The following TMTC1 variants were observed in gnomAD, a reference collection of about 807,000 sequenced individuals.
TMTC1 encodes protein O-mannosyl-transferase TMTC1.
TMTC1 carries 73 observed loss-of-function variants against 104.8 expected under a neutral mutation model. The observed-to-expected ratio is 0.70, with a 90% CI of 0.58 to 0.85. The LOEUF (loss-of-function observed/expected upper bound fraction) is 0.85. Ranked by LOEUF, TMTC1 falls within the 40% of genes least tolerant of loss-of-function variation. TMTC1 has a pLI of 0.00. For synonymous variants in TMTC1, 434 were observed against 428.7 expected (o/e 1.01, Z -0.15); for missense variants, 1,035 against 1,096.1 (o/e 0.94, Z 0.79).
intron 5 of TMTC1, among the ~76,000 whole-genome samples, chr12:29,682,874 T>C (rs1284116577): frequency 1.3e-5 from 2 of 152,180 alleles, no homozygotes; most frequent in African/African-American, 2.4e-5. Context: ...TAAAATGGCA[T>C]AGAACTATAC....
chr12:29,694,031 T>C (rs1169861782), intron 5 of TMTC1, among the ~76,000 whole-genome samples: 2 of 152,210 alleles, frequency 1.3e-5, no homozygotes, highest in Non-Finnish European at 2.9e-5. Context: ...CATAAATGCT[T>C]TCAATTGATA....
intron 9 of TMTC1, among the ~76,000 whole-genome samples, chr12:29,566,442 G>T (rs1165178170): frequency 6.6e-6 from 1 of 152,164 alleles, no homozygotes; most frequent in Non-Finnish European, 1.5e-5. Context: ...CTGAGCTCCA[G>T]ATTGCTGTGA....
At chr12:29,700,368 G>T (rs1057223318) in intron 5 of TMTC1, among the ~76,000 whole-genome samples, 1 of 151,842 alleles carries the variant, frequency 6.6e-6, no homozygotes, top group Non-Finnish European at 1.5e-5. Context: ...GAGTAGCTGG[G>T]CTCTTTTAAT....
intron 5 of TMTC1, among the ~76,000 whole-genome samples, chr12:29,690,709 T>C (rs1213942210): frequency 2.0e-5 from 3 of 152,248 alleles, no homozygotes; most frequent in Admixed American, 2.0e-4. Context: ...GTGTTTTCCC[T>C]ATTCTTTGTG....
chr12:29,753,367 C>A (rs971268021), intron 4 of TMTC1, among the ~76,000 whole-genome samples: 1 of 152,150 alleles, frequency 6.6e-6, no homozygotes, highest in African/African-American at 2.4e-5. Context: ...AGACGTCCTG[C>A]GAGGTCTCCT....
rs141344632 is a variant in TMTC1, at chr12:29,601,235, G to A, written c.1250+2943C>T. On this transcript the variant is annotated intron_variant, in intron 7 of 17. Transcript: ENST00000539277. ...TGGGGGTTGGAGGATATACCTGCCC[G>A]GGCAAGATGAACCTCTTACAATAAG... Among the ~76,000 whole-genome samples the A allele has an allele frequency of 8.5e-3, 1,293 of 152,242 alleles. 26 individuals are homozygous for A. Among genetic ancestry groups the A allele is most frequent in the African/African-American group, 0.029 (1,222 of 41,538 alleles).
intron 6 of TMTC1, among the ~76,000 whole-genome samples, chr12:29,612,154 A>G (rs1192942152): frequency 6.6e-6 from 1 of 152,090 alleles, no homozygotes; most frequent in African/African-American, 2.4e-5. Flanking sequence ...AGCCTTCTCT[A>G]CCATCTGACT....
chr12:29,512,018 A>G (rs1253232811), intron 17 of TMTC1, 25 bp downstream of exon 17: 1 of 1,606,936 alleles, frequency 6.2e-7, no homozygotes, highest in Admixed American at 1.7e-5. Flanking sequence ...AGCCCGGTCC[A>G]CATGGGAGTG....
At chr12:29,548,397 T>C (rs1303956546) in intron 10 of TMTC1, among the ~76,000 whole-genome samples, 1 of 152,180 alleles carries the variant, frequency 6.6e-6, no homozygotes, top group African/African-American at 2.4e-5. Flanking sequence ...AATCTCATCT[T>C]GAATTGCAGC....
chr12:29,699,649 CTTTTTT>C (rs71444337), intron 5 of TMTC1, among the ~76,000 whole-genome samples: 2 of 86,838 alleles, frequency 2.3e-5, no homozygotes, highest in African/African-American at 4.7e-5. Flanking sequence ...TCATCTGGTG[CTTTTTT>C]TTTTTTTTTT....
At chr12:29,621,423 A>T (rs1458468765) in intron 6 of TMTC1, among the ~76,000 whole-genome samples, 2 of 152,246 alleles carry the variant, frequency 1.3e-5, no homozygotes, top group Admixed American at 6.5e-5. Context: ...GGAATGAAAA[A>T]TGTATGTGAC....
chr12:29,689,632 A>G (rs940981169), intron 5 of TMTC1, among the ~76,000 whole-genome samples: 16 of 152,218 alleles, frequency 1.1e-4, no homozygotes, highest in African/African-American at 3.6e-4. Flanking sequence ...GAGAAGGCGG[A>G]GGCACAAAGA....
intron 5 of TMTC1, among the ~76,000 whole-genome samples, chr12:29,711,110 G>A (rs1941914104): frequency 6.6e-6 from 1 of 151,242 alleles, no homozygotes; most frequent in Non-Finnish European, 1.5e-5. Context: ...GACCTCCCAA[G>A]TAGCTAGGAC....
At chr12:29,769,796 C>A (rs1943554631) in intron 1 of TMTC1, among the ~76,000 whole-genome samples, 1 of 152,146 alleles carries the variant, frequency 6.6e-6, no homozygotes, top group South Asian at 2.1e-4. Flanking sequence ...GTTGGAAGGT[C>A]TCTTGGTTGG....
chr12:29,781,788 G>A (rs1175027278), intron 1 of TMTC1, among the ~76,000 whole-genome samples: 2 of 152,172 alleles, frequency 1.3e-5, no homozygotes, highest in African/African-American at 4.8e-5. Context: ...CAATAATCAT[G>A]CCACTGCACT....
intron 5 of TMTC1, among the ~76,000 whole-genome samples, chr12:29,671,413 C>T (rs991558867): frequency 6.6e-6 from 1 of 152,038 alleles, no homozygotes; most frequent in Non-Finnish European, 1.5e-5. Context: ...TTCAATTTGA[C>T]AACCAAAATG....
chr12:29,558,643 T>C (rs1945305027), intron 9 of TMTC1, among the ~76,000 whole-genome samples: 1 of 152,172 alleles, frequency 6.6e-6, no homozygotes, highest in African/African-American at 2.4e-5. Flanking sequence ...TGGAGGCTGT[T>C]AGGAGAGAGA....
At chr12:29,584,580 T>C (rs1946075718) in intron 7 of TMTC1, among the ~76,000 whole-genome samples, 1 of 152,126 alleles carries the variant, frequency 6.6e-6, no homozygotes. Flanking sequence ...CTCCTAATGC[T>C]AGCCCGCCCC....
intron 6 of TMTC1, among the ~76,000 whole-genome samples, chr12:29,616,739 C>T (rs963380950): frequency 2.6e-5 from 4 of 151,654 alleles, no homozygotes; most frequent in African/African-American, 9.7e-5. Context: ...AACTGATGGC[C>T]ATTTTCTACA....
Sources: gnomAD v4.1 joint callset for allele counts (sites outside exome capture counted in the v4.1 genomes callset) on GRCh38, gnomAD v4.1.1 for gene constraint, MANE v1.5 for transcripts, NCBI Gene and HGNC (gene_info 2026-07-23, HGNC 2026-07-21) for gene names.